CDH18: variants seen among roughly 807,000 people sequenced by gnomAD.
CDH18 encodes cadherin-18.
Under a neutral mutation model 67.9 loss-of-function variants are expected in CDH18, and 31 were observed. The observed-to-expected ratio is 0.46, with a 90% CI of 0.34 to 0.62. CDH18 has a LOEUF of 0.62. Among genes scored for constraint, CDH18 ranks in the 20% least tolerant of loss-of-function variants. CDH18 has a pLI of 0.01. For synonymous variants in CDH18, 362 were observed against 347.2 expected (o/e 1.04, Z -0.48); for missense variants, 890 against 975.5 (o/e 0.91, Z 1.17).
chr5:20,239,695 CAAT>C (rs1172615107), intron 2 of CDH18, among the ~76,000 whole-genome samples: 2 of 152,034 alleles, frequency 1.3e-5, no homozygotes, highest in African/African-American at 4.8e-5. Context: ...TTATGCATGT[CAAT>C]AATACTTTAA....
intron 2 of CDH18, among the ~76,000 whole-genome samples, chr5:19,980,020 A>C (rs1427231107): frequency 1.3e-5 from 2 of 152,160 alleles, no homozygotes; most frequent in Non-Finnish European, 2.9e-5. Flanking sequence ...TCAAACTGTC[A>C]CTGTTTGCTG....
chr5:19,600,248 A>C (rs1746890198), intron 6 of CDH18, among the ~76,000 whole-genome samples: 1 of 151,920 alleles, frequency 6.6e-6, no homozygotes, highest in Non-Finnish European at 1.5e-5. Flanking sequence ...TACCTAATGT[A>C]AATGACGAGT....
chr5:20,069,792 C>T (rs1279032763), intron 2 of CDH18, among the ~76,000 whole-genome samples: 1 of 152,066 alleles, frequency 6.6e-6, no homozygotes, highest in Admixed American at 6.6e-5. Flanking sequence ...ACAGAGATTG[C>T]CCATATACCT....
At chr5:19,674,941 C>G (rs1314064404) in intron 5 of CDH18, among the ~76,000 whole-genome samples, 1 of 152,012 alleles carries the variant, frequency 6.6e-6, no homozygotes, top group African/African-American at 2.4e-5. Context: ...AAATTCAGCC[C>G]CCAATATTTC....
At chr5:20,371,474 C>A (rs1052341173) in intron 1 of CDH18, among the ~76,000 whole-genome samples, 1 of 152,052 alleles carries the variant, frequency 6.6e-6, no homozygotes, top group Non-Finnish European at 1.5e-5. Context: ...TGGAACATGA[C>A]AAGAGTATGC....
At chr5:20,075,874 TTGAG>T (rs1345447631) in intron 2 of CDH18, among the ~76,000 whole-genome samples, 1 of 152,030 alleles carries the variant, frequency 6.6e-6, no homozygotes, top group African/African-American at 2.4e-5. Context: ...ATAAAAATAA[TTGAG>T]TATTTCAAAA....
intron 2 of CDH18, among the ~76,000 whole-genome samples, chr5:20,050,577 T>C (rs1741332752): frequency 6.6e-6 from 1 of 151,896 alleles, no homozygotes. Flanking sequence ...GCTAAAATGT[T>C]ACAATCCAAA....
chr5:20,365,472 A>G (rs966558751), intron 1 of CDH18, among the ~76,000 whole-genome samples: 4 of 152,292 alleles, frequency 2.6e-5, no homozygotes, highest in Admixed American at 2.6e-4. Flanking sequence ...ATATACTTCA[A>G]TATATTTAGA....
intron 6 of CDH18, among the ~76,000 whole-genome samples, chr5:19,604,778 G>A (rs901107218): frequency 3.3e-5 from 5 of 151,744 alleles, no homozygotes; most frequent in Non-Finnish European, 5.9e-5. Context: ...CTTTAAAATC[G>A]TTTAACCCAA....
chr5:20,290,519 T>G (rs559507564), intron 1 of CDH18, among the ~76,000 whole-genome samples: 4 of 152,262 alleles, frequency 2.6e-5, no homozygotes, highest in South Asian at 2.1e-4. Context: ...TACCTTTGCA[T>G]ACCTCAAAGA....
At chr5:19,724,214 C>T (rs1766505531) in intron 4 of CDH18, among the ~76,000 whole-genome samples, 1 of 151,998 alleles carries the variant, frequency 6.6e-6, no homozygotes, top group Non-Finnish European at 1.5e-5. Context: ...CATGCAACAA[C>T]TTGTATGAAT....
chr5:19,936,295 A>G (rs1475905501), intron 2 of CDH18, among the ~76,000 whole-genome samples: 2 of 151,314 alleles, frequency 1.3e-5, no homozygotes, highest in Non-Finnish European at 3.0e-5. Flanking sequence ...AAATGTTTTG[A>G]AAGTTAAAGA....
chr5:20,099,977 G>C lies in CDH18; in HGVS notation c.-517-107963C>G, dbSNP rs953484069. 2.6e-5 allele frequency among the ~76,000 whole-genome samples: 4 copies of C among 152,090 alleles called. No homozygotes were observed. The East Asian group carries it at 7.8e-4, about 29-fold the overall frequency. On this transcript the variant is annotated intron_variant, in intron 2 of 14. Coordinates refer to the CDH18 transcript ENST00000507958. Reference sequence around the variant, plus strand: ...TCTTTTGTATTTTTGGTAGAGGCAGGGTTTCACCATGTTGGCCAGGTTGGT... The same window carrying C: ...TCTTTTGTATTTTTGGTAGAGGCAGCGTTTCACCATGTTGGCCAGGTTGGT...
At chr5:19,735,796 G>A (rs2150667620) in intron 4 of CDH18, among the ~76,000 whole-genome samples, 1 of 152,242 alleles carries the variant, frequency 6.6e-6, no homozygotes, top group South Asian at 2.1e-4. Context: ...CCTGAACATT[G>A]TCTTGCCTGC....
chr5:20,277,754 A>G (rs1300859201), intron 1 of CDH18, among the ~76,000 whole-genome samples: 3 of 152,146 alleles, frequency 2.0e-5, no homozygotes, highest in Admixed American at 6.6e-5. Context: ...AGGAAACTCA[A>G]TGAAATTCAA....
At chr5:19,500,594 CA>C (rs1743071201) in intron 11 of CDH18, among the ~76,000 whole-genome samples, 1 of 152,100 alleles carries the variant, frequency 6.6e-6, no homozygotes. Flanking sequence ...TTTCAATACT[CA>C]AAAATTGTAA....
chr5:20,543,856 A>G (rs939914456), intron 1 of CDH18, among the ~76,000 whole-genome samples: 1 of 152,228 alleles, frequency 6.6e-6, no homozygotes, highest in African/African-American at 2.4e-5. Context: ...CTAAACAAAT[A>G]CAAAAAGTAG....
chr5:19,651,011 C>T (rs1288522066), intron 5 of CDH18, among the ~76,000 whole-genome samples: 2 of 151,906 alleles, frequency 1.3e-5, no homozygotes. Context: ...AAAAAGAGTA[C>T]ATTTAGTAAG....
At position 20,270,494 on chromosome 5, in the gene CDH18, G is replaced by A. The variant is rs72745008; in HGVS notation, c.-579-14989C>T. Among the ~76,000 whole-genome samples the A allele has an allele frequency of 1.8e-3, 271 of 152,192 alleles. 2 individuals carry two copies. In the East Asian group the frequency reaches 0.021, roughly 12 times the overall value. On this transcript the variant is annotated intron_variant, in intron 1 of 14. Transcript: ENST00000507958. ...AAGTCAAAAAATAACAGATTCTGGC[G>A]AGGTTGTGGAGAAAAAAGGAATGCT...
Sources: gnomAD v4.1 joint callset for allele counts (sites outside exome capture counted in the v4.1 genomes callset) on GRCh38, gnomAD v4.1.1 for gene constraint, MANE v1.5 for transcripts, NCBI Gene and HGNC (gene_info 2026-07-23, HGNC 2026-07-21) for gene names.